SLC49A3: variants seen among roughly 807,000 people sequenced by gnomAD.
SLC49A3 encodes the protein solute carrier family 49 member A3.
In SLC49A3, 50 loss-of-function variants were observed where a neutral mutation model predicts 43.8. The observed-to-expected ratio is 1.14, with a 90% CI of 0.91 to 1.45. The LOEUF (loss-of-function observed/expected upper bound fraction) is 1.45, where lower values mean the gene tolerates loss of function less well. Among genes scored for constraint, SLC49A3 ranks in the 40% most tolerant of loss-of-function variants. The pLI is 0.00. For synonymous variants in SLC49A3, 413 were observed against 352.0 expected (o/e 1.17, Z -1.94); for missense variants, 906 against 774.1 (o/e 1.17, Z -2.02).
chr4:680,011 G>A, downstream of SLC49A3: 1 of 1,612,270 alleles, frequency 6.2e-7, no homozygotes, highest in Non-Finnish European at 8.5e-7. Flanking sequence ...TTGGGGAGAA[G>A]CTGAGCGGTG....
rs184294029 is a variant in SLC49A3 at position 685,660 on chromosome 4, C to A, written c.585+175G>T. On this transcript the variant is annotated intron_variant, in intron 4 of 9. Transcript: ENST00000322224. This position sits in a 1 kb window ranked among gnomAD's most constrained non-coding sequence, Gnocchi z 4.3. ...GGCGGAGGTTGCAGTGAGCCGAGAT[C>A]GCGCCACTGCAATTCAGCCTGAGCG... Among the ~76,000 whole-genome samples, 1 of 151,974 alleles carries A rather than the reference C, an allele frequency of 6.6e-6. No homozygotes were observed. Among genetic ancestry groups the A allele is most frequent in the Non-Finnish European group, 1.5e-5 (1 of 68,012 alleles).
At chr4:678,855 G>A (rs575550060), downstream of SLC49A3, 3 of 1,608,212 alleles carry the variant, frequency 1.9e-6, no homozygotes, top group African/African-American at 1.3e-5. Flanking sequence ...GCCAGCAGGA[G>A]TGGAAGCCTA....
Position 685,853 on chromosome 4 carries a change from A to G in SLC49A3, c.567T>C (p.Gly189=). ...CCCTCACCATTAACGGAATGTCCTC[A>G]CCCTTCTTGACCAGCACAGGGGACA... is the stretch of plus-strand genomic sequence containing the variant. ...NVLSPVLVKK[G]EDIPLMLGVY... Residue 189 remains glycine, a synonymous_variant, in exon 4 of 10, where the codon GGT becomes GGC. Coordinates refer to ENST00000322224, the MANE Select transcript of SLC49A3 (RefSeq NM_032219.4). This position sits in a 1 kb window ranked among gnomAD's most constrained non-coding sequence, Gnocchi z 4.3. 6.2e-7 allele frequency: 1 copy of G among 1,613,874 alleles called. No homozygotes were observed. The highest frequency in any genetic ancestry group is 8.5e-7 in the Non-Finnish European group (1 of 1,179,970).
intron 1 of SLC49A3, 117 bp from the exon 2 acceptor site, chr4:686,807 A>G: frequency 7.5e-7 from 1 of 1,327,832 alleles, no homozygotes. Flanking sequence ...GAGGGGACAC[A>G]GCGAGCTGGA....
Position 686,505 on chromosome 4 carries a change from C to T in SLC49A3, c.294+27G>A, listed in dbSNP as rs753192306. On this transcript the variant is annotated intron_variant, in intron 2 of 9. Transcript: ENST00000322224. ...CGGGGGCCCCTGCACTGTCCCGGAG[C>T]GGGCCATGGTGTGGGGTCTGACTCA... is the stretch of plus-strand genomic sequence containing the variant. The T allele has an allele frequency of 3.8e-5, 61 of 1,606,756 alleles. 2 individuals are homozygous for T. The highest frequency in any genetic ancestry group is 2.9e-4 in the South Asian group (26 of 90,298).
At position 683,710 on chromosome 4, in the gene SLC49A3, C is replaced by T; in HGVS notation, c.892G>A (p.Ala298Thr). Residue 298 changes from alanine to threonine, a missense_variant, in exon 7 of 10, where the codon GCA (alanine) becomes ACA (threonine). Transcript: ENST00000322224. The stretch of plus-strand genomic sequence containing the variant: ...TCCACATAGGGGCCGAGAGCCAGTG[C>T]CCCCAGGATCCCAAACGTGATGAAG... ...ALFITFGILG[A>T]LALGPYVDRT... 6.3e-7 allele frequency: 1 copy of T among 1,594,342 alleles called. No homozygotes were observed. Among genetic ancestry groups the T allele is most frequent in the African/African-American group, 1.3e-5 (1 of 74,766 alleles).
chr4:686,956 A>G (rs768047750), intron 1 of SLC49A3, among the ~76,000 whole-genome samples: 2 of 152,220 alleles, frequency 1.3e-5, no homozygotes, highest in Non-Finnish European at 2.9e-5. Context: ...GCCAGAGCCC[A>G]CAGGACCACG....
chr4:679,957 A>G (rs1560154419), downstream of SLC49A3: 2 of 1,613,782 alleles, frequency 1.2e-6, no homozygotes, highest in South Asian at 1.1e-5. Context: ...CCATGCTCAA[A>G]GAGGCCTCGG....
At chr4:679,242 G>A (rs77728684), downstream of SLC49A3, 892 of 678,804 alleles carry the variant, frequency 1.3e-3, 3 homozygotes, top group South Asian at 4.3e-3. Context: ...GACAGGGTGG[G>A]TGGGACAGCC....
chr4:678,531 C>A, downstream of SLC49A3: 1 of 1,462,774 alleles, frequency 6.8e-7, no homozygotes, highest in Non-Finnish European at 9.0e-7. Context: ...CCTCAGCTGT[C>A]TGGCCCCCTC....
intron 1 of SLC49A3, among the ~76,000 whole-genome samples, chr4:687,750 T>C (rs966313063): frequency 4.6e-5 from 7 of 152,160 alleles, no homozygotes; most frequent in African/African-American, 1.7e-4. Flanking sequence ...TTGAGTCTCA[T>C]CCAGAGCACT....
downstream of SLC49A3, chr4:678,727 T>C (rs1443011845): frequency 9.9e-6 from 16 of 1,612,118 alleles, no homozygotes; most frequent in Non-Finnish European, 1.4e-5. Flanking sequence ...CAATGTCTTC[T>C]CCAACTTTGA....
At chr4:680,896 C>G, downstream of SLC49A3, 1 of 676,618 alleles carries the variant, frequency 1.5e-6, no homozygotes, top group Non-Finnish European at 2.5e-6. Flanking sequence ...GGCTCTGTCC[C>G]CATCAGCGGC....
At chr4:679,412 C>T (rs1294462831), downstream of SLC49A3, among the ~76,000 whole-genome samples, 2 of 152,198 alleles carry the variant, frequency 1.3e-5, no homozygotes, top group African/African-American at 4.8e-5. Flanking sequence ...ACAGAGCTGA[C>T]AGAGGGCGTG....
intron 6 of SLC49A3, among the ~76,000 whole-genome samples, chr4:684,002 A>G (rs1740448071): frequency 6.6e-6 from 1 of 152,188 alleles, no homozygotes; most frequent in African/African-American, 2.4e-5. Flanking sequence ...GAGGCCCCAC[A>G]GGGCCGTGGT....
Position 682,287 on chromosome 4 carries a change from CG to C in SLC49A3, c.1350del (p.Glu451SerfsTer48). The C allele has an allele frequency of 1.5e-6, 2 of 1,352,664 alleles. No individual in the cohort carries two copies. Among genetic ancestry groups the C allele is most frequent in the Non-Finnish European group, 1.9e-6 (2 of 1,042,760 alleles). The allele number at this position is 1,352,664 out of a possible 1,614,324, so 83.8% of individuals were successfully genotyped here. On this transcript the variant is annotated frameshift_variant, in exon 10 of 10. Coordinates refer to ENST00000322224, the MANE Select transcript of SLC49A3 (RefSeq NM_032219.4). LOFTEE classifies it low-confidence loss of function (END_TRUNC). ...FFHTPYRRLQ[A>X]ESGEPPSTRN... ...CGGGTGGAGGGGGGCTCCCCAGACT[CG>C]GCCTGCAGGCGCCGGTATGGGGTGT...
chr4:689,736 A>C (rs1205132281), upstream of SLC49A3, among the ~76,000 whole-genome samples: 1 of 152,214 alleles, frequency 6.6e-6, no homozygotes, highest in Non-Finnish European at 1.5e-5. Flanking sequence ...CCACACACGC[A>C]CCGGATTGTT....
At chr4:679,617 C>T (rs772310899), downstream of SLC49A3, among the ~76,000 whole-genome samples, 2 of 152,174 alleles carry the variant, frequency 1.3e-5, no homozygotes, top group Non-Finnish European at 2.9e-5. Context: ...GCAAGTGACC[C>T]ACCTTCCTCT....
downstream of SLC49A3, chr4:680,473 C>T (rs561412705): frequency 2.5e-6 from 4 of 1,609,724 alleles, no homozygotes; most frequent in South Asian, 2.2e-5. Context: ...GGACTGCCAC[C>T]CTGACGGCCC....
Sources: gnomAD v4.1 joint callset for allele counts (sites outside exome capture counted in the v4.1 genomes callset) on GRCh38, gnomAD v4.1.1 for gene constraint, Gnocchi (gnomAD v3.1) non-coding constraint, MANE v1.5 for transcripts, NCBI Gene and HGNC (gene_info 2026-07-23, HGNC 2026-07-21) for gene names.